SUPT3H: variants seen among roughly 807,000 people sequenced by gnomAD.
The protein encoded by SUPT3H is SPT3 homolog, SAGA and STAGA complex component, also known as transcription initiation protein SPT3 homolog.
Under a neutral mutation model 44.3 loss-of-function variants are expected in SUPT3H, and 44 were observed. The ratio of observed to expected loss-of-function variants is 0.99; its 90% CI spans 0.78 to 1.28. The LOEUF is 1.28. Ranked by LOEUF, SUPT3H falls within the 50% of genes most tolerant of loss-of-function variation. SUPT3H has a pLI of 0.00. For missense variants in SUPT3H, 380 were observed against 387.1 expected, an observed-to-expected ratio of 0.98 and a Z score of 0.15; for synonymous variants, 124 against 125.6, an observed-to-expected ratio of 0.99 and a Z score of 0.09.
At chr6:44,918,417 T>G (rs1768142825) in intron 10 of SUPT3H, among the ~76,000 whole-genome samples, 1 of 152,230 alleles carries the variant, frequency 6.6e-6, no homozygotes, top group African/African-American at 2.4e-5. Context: ...TCTTCATCAC[T>G]TTAGTCTGGA....
intron 3 of SUPT3H, among the ~76,000 whole-genome samples, chr6:45,024,859 CT>C (rs532903653): frequency 1.0e-3 from 159 of 152,306 alleles, no homozygotes; most frequent in South Asian, 7.2e-3. Flanking sequence ...GAAACAACTT[CT>C]GTCTGAATGC....
intron 6 of SUPT3H, among the ~76,000 whole-genome samples, chr6:44,981,678 G>C (rs1223276097): frequency 6.6e-6 from 1 of 152,056 alleles, no homozygotes; most frequent in African/African-American, 2.4e-5. Flanking sequence ...GGACTCTCTA[G>C]GTTAAGTTGC....
intron 11 of SUPT3H, among the ~76,000 whole-genome samples, chr6:44,812,944 T>C (rs751601718): frequency 6.6e-6 from 1 of 151,676 alleles, no homozygotes; most frequent in Non-Finnish European, 1.5e-5. Context: ...TATGGTGGGG[T>C]GGGGGGTGAG....
In SUPT3H at chr6:44,977,967, T is replaced by TGCTTAATGAAATATAAGTGGACGAA. The variant is rs1446540226; in HGVS notation, c.505-16164_505-16140dup. 2.0e-5 allele frequency among the ~76,000 whole-genome samples: 3 copies of TGCTTAATGAAATATAAGTGGACGAA among 152,274 alleles called. No individual in the cohort carries two copies. In the East Asian group the frequency reaches 5.8e-4, roughly 29 times the overall value. ...GAAATGTATTCTAAAATGAATACATTGCTTAATGAAATATAAGTGGACGAA... is the reference window on the plus strand; with the variant it reads ...GAAATGTATTCTAAAATGAATACATTGCTTAATGAAATATAAGTGGACGAAGCTTAATGAAATATAAGTGGACGAA... On this transcript the variant is annotated intron_variant, in intron 6 of 10. Transcript: ENST00000371459.
At chr6:45,171,763 G>C (rs1015870320) in intron 2 of SUPT3H, among the ~76,000 whole-genome samples, 1 of 127,424 alleles carries the variant, frequency 7.8e-6, no homozygotes, top group East Asian at 2.2e-4. Flanking sequence ...TGTCACCCAG[G>C]CTGGAGTGCA....
chr6:45,301,016 C>T (rs542673724), intron 2 of SUPT3H, among the ~76,000 whole-genome samples: 39 of 152,214 alleles, frequency 2.6e-4, no homozygotes, highest in African/African-American at 9.1e-4. Flanking sequence ...AGGCCTTATA[C>T]CCTTATATCA....
intron 2 of SUPT3H, among the ~76,000 whole-genome samples, chr6:45,147,213 CCTGA>C (rs1458293812): frequency 6.6e-6 from 1 of 152,024 alleles, no homozygotes; most frequent in African/African-American, 2.4e-5. Context: ...AGACTGTTCT[CCTGA>C]CTACTACATT....
intron 2 of SUPT3H, among the ~76,000 whole-genome samples, chr6:45,249,221 T>C (rs1771935738): frequency 6.6e-6 from 1 of 152,196 alleles, no homozygotes; most frequent in South Asian, 2.1e-4. Flanking sequence ...TACTATTTCA[T>C]TCAGAGATTT....
intron 3 of SUPT3H, among the ~76,000 whole-genome samples, chr6:45,066,043 T>C (rs1219279631): frequency 3.6e-5 from 5 of 137,600 alleles, no homozygotes; most frequent in Admixed American, 1.5e-4. Context: ...TTGATGAACA[T>C]TGATGCAAAA....
At position 44,826,786 on chromosome 6, in the gene SUPT3H, C is replaced by T. The variant is rs1418308422; in HGVS notation, c.*3030G>A. On this transcript the variant is annotated 3_prime_UTR_variant, in exon 11 of 11. Coordinates refer to ENST00000371459, the MANE Select transcript of SUPT3H (RefSeq NM_003599.4). ...TTTGTCTTCTACATGGTAAAAGCAT[C>T]AGACATGGCTTGTTTATTATTTTAT... 6.6e-6 allele frequency among the ~76,000 whole-genome samples: 1 copy of T among 152,106 alleles called. No individual in the cohort carries two copies. Among genetic ancestry groups the T allele is most frequent in the Non-Finnish European group, 1.5e-5 (1 of 67,976 alleles).
intron 2 of SUPT3H, among the ~76,000 whole-genome samples, chr6:45,226,175 T>C (rs1051397408): frequency 1.3e-5 from 2 of 152,192 alleles, no homozygotes; most frequent in Non-Finnish European, 2.9e-5. Context: ...GTCCAGGAAA[T>C]GGTGATATTT....
intron 2 of SUPT3H, among the ~76,000 whole-genome samples, chr6:45,364,239 T>C (rs978054492): frequency 1.3e-5 from 2 of 152,184 alleles, no homozygotes; most frequent in Admixed American, 6.6e-5. Context: ...GCCAAAAAGT[T>C]TGAGAGCTCC....
intron 11 of SUPT3H, among the ~76,000 whole-genome samples, chr6:44,810,277 G>A (rs1260270265): frequency 6.6e-6 from 1 of 152,198 alleles, no homozygotes; most frequent in African/African-American, 2.4e-5. Flanking sequence ...TTTACTAAGG[G>A]CAAAGGCGAT....
At chr6:45,242,334 T>C (rs549184049) in intron 2 of SUPT3H, among the ~76,000 whole-genome samples, 93 of 152,248 alleles carry the variant, frequency 6.1e-4, no homozygotes, top group Middle Eastern at 6.8e-3. Context: ...AGTGCCTAAG[T>C]GTACCGAAGA....
At chr6:44,888,257 T>A (rs1415511992) in intron 10 of SUPT3H, among the ~76,000 whole-genome samples, 3 of 152,192 alleles carry the variant, frequency 2.0e-5, no homozygotes, top group Non-Finnish European at 4.4e-5. Context: ...CCTCCCTGAC[T>A]CATTTTATGA....
intron 3 of SUPT3H, among the ~76,000 whole-genome samples, chr6:45,027,787 T>C (rs920399198): frequency 2.0e-5 from 3 of 152,204 alleles, no homozygotes; most frequent in African/African-American, 7.2e-5. Context: ...TTCTATTCAA[T>C]TGATAATCTG....
chr6:45,201,443 AGAGT>A (rs1339650406), intron 2 of SUPT3H, among the ~76,000 whole-genome samples: 1 of 151,812 alleles, frequency 6.6e-6, no homozygotes, highest in Non-Finnish European at 1.5e-5. Flanking sequence ...ATCTATAATG[AGAGT>A]TAGTTATTCC....
intron 3 of SUPT3H, among the ~76,000 whole-genome samples, chr6:45,054,922 A>T (rs919901462): frequency 6.6e-6 from 1 of 152,182 alleles, no homozygotes; most frequent in African/African-American, 2.4e-5. Flanking sequence ...AACCCATAAG[A>T]AAACTTTTAA....
At chr6:45,356,216 A>C (rs1793137916) in intron 2 of SUPT3H, among the ~76,000 whole-genome samples, 2 of 152,144 alleles carry the variant, frequency 1.3e-5, no homozygotes, top group South Asian at 2.1e-4. Flanking sequence ...TTTCACAGCT[A>C]AGGTTTTTTT....
Sources: allele counts gnomAD v4.1 joint callset (sites outside exome capture counted in the v4.1 genomes callset), GRCh38; gene constraint gnomAD v4.1.1; transcripts MANE v1.5; gene names NCBI Gene and HGNC (gene_info 2026-07-23, HGNC 2026-07-21).